The following CALD1 variants were observed in gnomAD, a reference collection of about 807,000 sequenced individuals.
The protein encoded by CALD1 is caldesmon.
Under a neutral mutation model 99.9 loss-of-function variants are expected in CALD1, and 33 were observed. The ratio of observed to expected loss-of-function variants is 0.33; its 90% CI spans 0.25 to 0.44. The LOEUF (loss-of-function observed/expected upper bound fraction) is 0.44. CALD1 is among the 20% of genes least tolerant of loss of function. The pLI is 1.00. For missense variants in CALD1, 861 were observed against 962.1 expected (o/e 0.89, Z 1.39); for synonymous variants, 310 against 325.0 (o/e 0.95, Z 0.50).
intron 1 of CALD1, among the ~76,000 whole-genome samples, chr7:134,793,283 C>T (rs1473943149): frequency 6.6e-6 from 1 of 152,222 alleles, no homozygotes; most frequent in African/African-American, 2.4e-5. Flanking sequence ...ACCACAAATC[C>T]CCAGACACAA....
chr7:134,723,130 C>T, the CALD1 span, among the ~76,000 whole-genome samples: 3 of 152,128 alleles, frequency 2.0e-5, no homozygotes, highest in South Asian at 2.1e-4. Flanking sequence ...ATCAGCTGAC[C>T]GACCTTGGAT....
At chr7:134,891,656 C>G (rs753135479) in intron 3 of CALD1, 1 of 1,607,434 alleles carries the variant, frequency 6.2e-7, no homozygotes, top group Non-Finnish European at 8.5e-7. Flanking sequence ...GAAGACGCAG[C>G]CTGGCCGCGC....
At chr7:134,939,868 GCGGGAGAATCCCTTGAACC>G (rs893849174) in intron 6 of CALD1, among the ~76,000 whole-genome samples, 2 of 152,120 alleles carry the variant, frequency 1.3e-5, no homozygotes, top group Non-Finnish European at 2.9e-5. Context: ...GGATGCTAAG[GCGGGAGAATCCCTTGAACC>G]CGGGAGGTGG....
intron 1 of CALD1, among the ~76,000 whole-genome samples, chr7:134,826,309 G>T (rs1157096678): frequency 2.6e-5 from 4 of 152,130 alleles, no homozygotes; most frequent in Non-Finnish European, 5.9e-5. Flanking sequence ...CACAACTGAT[G>T]TATTTCTGTT....
At chr7:134,763,073 A>G (rs559791341) in intron 1 of CALD1, among the ~76,000 whole-genome samples, 1 of 152,272 alleles carries the variant, frequency 6.6e-6, no homozygotes, top group Admixed American at 6.5e-5. Context: ...CTATTTATCT[A>G]TCTAATCTAA....
At chr7:134,851,770 GACATGAT>G (rs1301940509) in intron 2 of CALD1, among the ~76,000 whole-genome samples, 1 of 152,132 alleles carries the variant, frequency 6.6e-6, no homozygotes, top group Non-Finnish European at 1.5e-5. Context: ...CCCCAGAAGT[GACATGAT>G]ACTTCTGCTC....
At chr7:134,830,105 T>C (rs1799160547) in intron 1 of CALD1, among the ~76,000 whole-genome samples, 1 of 151,418 alleles carries the variant, frequency 6.6e-6, no homozygotes, top group Admixed American at 6.6e-5. Flanking sequence ...GGAGTAGTGG[T>C]GGAACTTTTT....
intron 3 of CALD1, among the ~76,000 whole-genome samples, chr7:134,921,745 A>G (rs1467841288): frequency 6.6e-6 from 1 of 152,220 alleles, no homozygotes; most frequent in Admixed American, 6.5e-5. Context: ...CAGGAGGTGG[A>G]GGTTGCAGTG....
chr7:134,934,168 A>G (rs1805767787), intron 5 of CALD1, 91 bp downstream of exon 5: 1 of 1,522,976 alleles, frequency 6.6e-7, no homozygotes, highest in Non-Finnish European at 8.8e-7. Flanking sequence ...CCACATGCAT[A>G]TAGCTCACAT....
rs1208094501 is a variant in CALD1, at chr7:134,960,025, C to T, written c.2113C>T (p.Pro705Ser). ...TKPAASDLPV[P>S]AEGVRNIKSM... is the part of the protein sequence containing the mutation. ...GCCGGCAGCCTCGGATCTTCCTGTT[C>T]CTGCTGAAGGTGTACGCAACATCAA... Residue 705 changes from proline (P) to serine (S), a missense_variant, in exon 12 of 15, where the codon CCT (proline) becomes TCT (serine). By Grantham distance (74) the Pro-to-Ser change is moderately conservative (BLOSUM62 -1). Transcript: ENST00000361675. 2.5e-6 allele frequency: 4 copies of T among 1,614,138 alleles called. No individual in the cohort carries two copies. The highest frequency in any genetic ancestry group is 3.4e-6 in the Non-Finnish European group (4 of 1,180,006).
At chr7:134,784,021 G>A (rs572221867) in intron 1 of CALD1, among the ~76,000 whole-genome samples, 2 of 152,228 alleles carry the variant, frequency 1.3e-5, no homozygotes, top group South Asian at 4.1e-4. Context: ...GTTAATAAAA[G>A]GCTTGCTAAG....
intron 9 of CALD1, among the ~76,000 whole-genome samples, chr7:134,956,100 T>C (rs1807749711): frequency 9.8e-6 from 1 of 102,418 alleles, no homozygotes; most frequent in Admixed American, 1.0e-4. Context: ...AAGTCAGCAC[T>C]ACTTATAGTA....
chr7:134,824,601 CCTTTCAAGCCTCATTTTT>C (rs1798913699), intron 1 of CALD1, among the ~76,000 whole-genome samples: 1 of 152,148 alleles, frequency 6.6e-6, no homozygotes, highest in Admixed American at 6.6e-5. Flanking sequence ...TTTCTCTTAA[CCTTTCAAGCCTCATTTTT>C]CTTTTCTATA....
At chr7:134,905,857 C>T (rs1803333501) in intron 3 of CALD1, among the ~76,000 whole-genome samples, 1 of 150,990 alleles carries the variant, frequency 6.6e-6, no homozygotes, top group South Asian at 2.1e-4. Context: ...TGTTATTAAT[C>T]TCACATGACT....
chr7:134,937,643 A>G (rs998134395), intron 6 of CALD1, among the ~76,000 whole-genome samples: 1 of 151,906 alleles, frequency 6.6e-6, no homozygotes, highest in African/African-American at 2.4e-5. Context: ...GTACAAAAAA[A>G]AAAAAAAGAA....
intron 2 of CALD1, among the ~76,000 whole-genome samples, chr7:134,864,125 G>T (rs968762293): frequency 6.6e-6 from 1 of 152,096 alleles, no homozygotes; most frequent in Non-Finnish European, 1.5e-5. Context: ...CCGAGGGGAG[G>T]ATCACCTGAG....
At chr7:134,944,180 A>G (rs2133087827) in intron 7 of CALD1, among the ~76,000 whole-genome samples, 1 of 152,316 alleles carries the variant, frequency 6.6e-6, no homozygotes, top group South Asian at 2.1e-4. Context: ...CAAGGTTTTG[A>G]GGGACCCTTT....
At chr7:134,726,062 T>C in the CALD1 span, among the ~76,000 whole-genome samples, 6 of 152,268 alleles carry the variant, frequency 3.9e-5, no homozygotes, top group South Asian at 1.2e-3. Context: ...AGAAGACTAA[T>C]ACACCAAGTA....
chr7:134,829,016 T>C (rs9656444), intron 1 of CALD1, among the ~76,000 whole-genome samples: 23,959 of 152,192 alleles, frequency 0.16, 4,131 homozygotes, highest in African/African-American at 0.43. Context: ...AGATACTCTT[T>C]TGAAATATTT....
Sources: gnomAD v4.1 joint callset for allele counts (sites outside exome capture counted in the v4.1 genomes callset) on GRCh38, gnomAD v4.1.1 for gene constraint, MANE v1.5 for transcripts, NCBI Gene and HGNC (gene_info 2026-07-23, HGNC 2026-07-21) for gene names.